Variants in LNX1 observed in about 807,000 individuals in gnomAD.
LNX1 encodes the protein E3 ubiquitin-protein ligase LNX.
LNX1 carries 54 observed loss-of-function variants against 68.4 expected under a neutral mutation model. The observed-to-expected ratio is 0.79, with a 90% CI of 0.63 to 0.99. LNX1 has a LOEUF of 0.99. LNX1 is among the 50% of genes least tolerant of loss of function. The pLI is 0.00. For missense variants in LNX1, 906 were observed against 926.4 expected (o/e 0.98, Z 0.29); for synonymous variants, 336 against 350.0 (o/e 0.96, Z 0.45).
upstream of LNX1, among the ~76,000 whole-genome samples, chr4:53,619,182 G>T (rs1443878030): frequency 6.6e-6 from 1 of 152,090 alleles, no homozygotes; most frequent in Non-Finnish European, 1.5e-5. Context: ...TTTTTACATT[G>T]AGATATAATT....
At chr4:53,572,043 T>C (rs1731202186) in intron 2 of LNX1, among the ~76,000 whole-genome samples, 1 of 152,180 alleles carries the variant, frequency 6.6e-6, no homozygotes. Flanking sequence ...CACAAATGTA[T>C]AATTGCAACA....
intron 8 of LNX1, 53 bp from the exon 9 acceptor site, chr4:53,477,034 T>G: frequency 6.7e-7 from 1 of 1,483,896 alleles, no homozygotes; most frequent in Non-Finnish European, 9.4e-7. Flanking sequence ...AACAGGGACT[T>G]CTGCTTAAAG....
At chr4:53,570,967 T>C (rs1486134130) in intron 2 of LNX1, among the ~76,000 whole-genome samples, 4 of 149,978 alleles carry the variant, frequency 2.7e-5, no homozygotes, top group South Asian at 2.1e-4. Context: ...GCCGAGCTTG[T>C]GGTGAGCAGA....
At chr4:53,569,634 A>C (rs1251048283) in intron 2 of LNX1, among the ~76,000 whole-genome samples, 1 of 151,644 alleles carries the variant, frequency 6.6e-6, no homozygotes, top group Non-Finnish European at 1.5e-5. Flanking sequence ...CACCAAAAGC[A>C]ATGGCAACAA....
upstream of LNX1, among the ~76,000 whole-genome samples, chr4:53,620,330 A>G (rs779771376): frequency 6.6e-6 from 1 of 152,084 alleles, no homozygotes; most frequent in Non-Finnish European, 1.5e-5. Context: ...ATAAATGCAA[A>G]CTCTCAAGCC....
intron 6 of LNX1, among the ~76,000 whole-genome samples, chr4:53,495,320 A>G (rs1222077747): frequency 6.6e-6 from 1 of 152,196 alleles, no homozygotes; most frequent in Non-Finnish European, 1.5e-5. Context: ...AGTCAACAAA[A>G]TACATACAGG....
chr4:53,521,594 G>C lies in LNX1; in HGVS notation c.381-13367C>G, dbSNP rs117907046. Among the ~76,000 whole-genome samples the C allele has an allele frequency of 3.3e-3, 507 of 152,252 alleles. 19 individuals are homozygous for C. In the East Asian group the frequency reaches 0.075, roughly 22 times the overall value. On this transcript the variant is annotated intron_variant, in intron 2 of 10. Transcript: ENST00000263925. ...AATCCTATTTTTCCAGCCAGTTTCTGTATTTGCTAAATGAGCTTCCTCTTC... is the reference window on the plus strand; with the variant it reads ...AATCCTATTTTTCCAGCCAGTTTCTCTATTTGCTAAATGAGCTTCCTCTTC...
chr4:53,643,173 C>T (rs577904708), intron 1 of LNX1, among the ~76,000 whole-genome samples: 11 of 151,498 alleles, frequency 7.3e-5, no homozygotes, highest in African/African-American at 2.2e-4. Flanking sequence ...TTTTTTAAGA[C>T]AGGATCTTGC....
At chr4:53,620,786 A>G (rs1733842564), upstream of LNX1, among the ~76,000 whole-genome samples, 1 of 152,198 alleles carries the variant, frequency 6.6e-6, no homozygotes, top group South Asian at 2.1e-4. Context: ...CTTAGAGTCC[A>G]GTGCATTTGA....
chr4:53,569,906 T>A (rs1257306652), intron 2 of LNX1, among the ~76,000 whole-genome samples: 65 of 150,348 alleles, frequency 4.3e-4, no homozygotes, highest in Admixed American at 1.2e-3. Context: ...AAAAAACACA[T>A]GAAAAAATGC....
chr4:53,493,899 T>C (rs1311046853), intron 6 of LNX1, among the ~76,000 whole-genome samples: 2 of 152,240 alleles, frequency 1.3e-5, no homozygotes, highest in Admixed American at 6.5e-5. Context: ...TTTCCTTTCC[T>C]AAACCCTTCC....
In LNX1 at chr4:53,521,164, C is replaced by T. The variant is rs529148908; in HGVS notation, c.381-12937G>A. On this transcript the variant is annotated intron_variant, in intron 2 of 10. Coordinates refer to ENST00000263925, the MANE Select transcript of LNX1 (RefSeq NM_001126328.3). ...GTTTCTAGAAGTCAGAACTGACTGC[C>T]TAGTGAGGTTTTCTGATCAGTTTTG... Among the ~76,000 whole-genome samples the T allele has an allele frequency of 5.9e-5, 9 of 152,162 alleles. No homozygotes were observed. The South Asian group carries it at 1.9e-3, about 32-fold the overall frequency.
chr4:53,568,586 C>T (rs1283085138), intron 2 of LNX1, among the ~76,000 whole-genome samples: 2 of 151,358 alleles, frequency 1.3e-5, no homozygotes, highest in East Asian at 1.9e-4. Context: ...AAAACGGGCA[C>T]AAGACAGGGG....
intron 2 of LNX1, among the ~76,000 whole-genome samples, chr4:53,541,412 C>G (rs929006729): frequency 6.6e-6 from 1 of 152,156 alleles, no homozygotes; most frequent in African/African-American, 2.4e-5. Flanking sequence ...TGGAAAGTTC[C>G]ATGCTTTTGG....
chr4:53,581,672 C>T (rs879526509), intron 1 of LNX1, among the ~76,000 whole-genome samples: 2 of 152,272 alleles, frequency 1.3e-5, no homozygotes, highest in Admixed American at 6.5e-5. Flanking sequence ...TACTCACTAT[C>T]GCAAGAATAG....
intron 9 of LNX1, among the ~76,000 whole-genome samples, chr4:53,476,100 C>T (rs1723542156): frequency 6.6e-6 from 1 of 152,072 alleles, no homozygotes; most frequent in Non-Finnish European, 1.5e-5. Flanking sequence ...AGTTTGAGAC[C>T]AGCCTGGGCA....
chr4:53,463,433 T>C (rs1318325323), intron 9 of LNX1, among the ~76,000 whole-genome samples: 1 of 152,090 alleles, frequency 6.6e-6, no homozygotes, highest in Non-Finnish European at 1.5e-5. Context: ...GAACTCCGTA[T>C]GTTAATCTGT....
At chr4:53,582,468 A>G (rs1203510708) in intron 1 of LNX1, among the ~76,000 whole-genome samples, 1 of 152,246 alleles carries the variant, frequency 6.6e-6, no homozygotes, top group Non-Finnish European at 1.5e-5. Flanking sequence ...CAAGTAATAA[A>G]GAGTTCTCTC....
intron 6 of LNX1, among the ~76,000 whole-genome samples, chr4:53,486,179 T>C (rs1414927769): frequency 1.3e-5 from 2 of 152,126 alleles, no homozygotes; most frequent in Non-Finnish European, 2.9e-5. Context: ...AGACTCCCTC[T>C]CTCTTTTCCG....
Sources: gnomAD v4.1 joint callset for allele counts (sites outside exome capture counted in the v4.1 genomes callset) on GRCh38, gnomAD v4.1.1 for gene constraint, MANE v1.5 for transcripts, NCBI Gene and HGNC (gene_info 2026-07-23, HGNC 2026-07-21) for gene names.